DCTD: variants seen among roughly 807,000 people sequenced by gnomAD.
DCTD encodes dCMP deaminase.
A neutral mutation model predicts 21.0 loss-of-function variants in DCTD; 23 were observed. The observed-to-expected ratio is 1.09, with a 90% CI of 0.79 to 1.55. The LOEUF is 1.55. Ranked by LOEUF, DCTD falls within the 40% of genes most tolerant of loss-of-function variation. DCTD has a pLI of 0.00. For missense variants in DCTD, 224 were observed against 230.0 expected (o/e 0.97, Z 0.17); for synonymous variants, 71 against 81.1 (o/e 0.88, Z 0.67).
In DCTD at chr4:182,915,517, AC is replaced by A. The variant is rs1318253163; in HGVS notation, c.51del (p.Glu17AspfsTer26). ...GATAAGAAGGCCACAGCCATAAAAT[AC>A]TCTGGCCATTCCAAATAGTCGTCCC... ...KKRDDYLEWP[E>X]YFMAVAFLSA... is the part of the protein sequence containing the mutation. On this transcript the variant is annotated frameshift_variant, in exon 2 of 6. Transcript: ENST00000438320. LOFTEE classifies it high-confidence loss of function. The A allele has an allele frequency of 1.2e-6, 2 of 1,613,780 alleles. No homozygotes were observed. The highest frequency in any genetic ancestry group is 8.5e-7 in the Non-Finnish European group (1 of 1,179,750).
intron 5 of DCTD, among the ~76,000 whole-genome samples, chr4:182,891,774 G>A (rs913490151): frequency 1.3e-5 from 2 of 152,076 alleles, no homozygotes; most frequent in Non-Finnish European, 2.9e-5. Flanking sequence ...CATGATATCC[G>A]ATTACTAGTT....
chr4:182,892,565 G>T (rs58736081), intron 5 of DCTD, among the ~76,000 whole-genome samples: 22 of 152,000 alleles, frequency 1.4e-4, no homozygotes, highest in South Asian at 8.3e-4. Context: ...AGAAGCGGAG[G>T]TTGCAGTGAG....
intron 3 of DCTD, among the ~76,000 whole-genome samples, chr4:182,899,500 C>T (rs1033411778): frequency 1.3e-5 from 2 of 151,018 alleles, no homozygotes; most frequent in South Asian, 2.1e-4. Flanking sequence ...CAGTTTCAAG[C>T]GATGATTCTC....
At chr4:182,910,780 GT>G (rs1434705538) in intron 3 of DCTD, among the ~76,000 whole-genome samples, 1 of 152,114 alleles carries the variant, frequency 6.6e-6, no homozygotes, top group Non-Finnish European at 1.5e-5. Context: ...TAATAAAATA[GT>G]TTTATGAAGT....
At chr4:182,900,598 T>TAA (rs56147511) in intron 3 of DCTD, among the ~76,000 whole-genome samples, 2,503 of 145,132 alleles carry the variant, frequency 0.017, 69 homozygotes, top group African/African-American at 0.06. Flanking sequence ...GTCTAAATTG[T>TAA]AAAAAAAAAA....
intron 3 of DCTD, among the ~76,000 whole-genome samples, chr4:182,910,770 T>C (rs182136922): frequency 6.6e-5 from 10 of 152,314 alleles, no homozygotes; most frequent in Admixed American, 2.6e-4. Context: ...TACTACATTA[T>C]AATAAAATAG....
At chr4:182,894,647 C>T (rs1734413875) in intron 3 of DCTD, 42 bp from the exon 4 acceptor site, 2 of 1,277,848 alleles carry the variant, frequency 1.6e-6, no homozygotes, top group African/African-American at 2.9e-5. Context: ...TTGGTTGCAG[C>T]TCATGAAGAA....
chr4:182,897,140 G>A (rs1385483752), intron 3 of DCTD, among the ~76,000 whole-genome samples: 1 of 152,104 alleles, frequency 6.6e-6, no homozygotes, highest in Non-Finnish European at 1.5e-5. Context: ...ATTCATTAGT[G>A]AAAATTACCA....
At position 182,893,016 on chromosome 4, in the gene DCTD, A is replaced by C; in HGVS notation, c.458+15T>G. On this transcript the variant is annotated intron_variant, in intron 5 of 5. Transcript: ENST00000438320. ...CACCCTACCCCGTCCCCCCGCCCGC[A>C]TTCTCCCCACTTACCGGAATGTCAC... The C allele has an allele frequency of 1.3e-6, 2 of 1,542,740 alleles. No individual in the cohort carries two copies. Among genetic ancestry groups the C allele is most frequent in the Non-Finnish European group, 1.8e-6 (2 of 1,117,170 alleles).
At chr4:182,906,130 C>G (rs1280305111) in intron 3 of DCTD, among the ~76,000 whole-genome samples, 2 of 151,874 alleles carry the variant, frequency 1.3e-5, no homozygotes, top group African/African-American at 4.8e-5. Flanking sequence ...CAATCCAGTT[C>G]ATACACACAA....
At chr4:182,896,151 C>T (rs760714828) in intron 3 of DCTD, among the ~76,000 whole-genome samples, 1 of 152,148 alleles carries the variant, frequency 6.6e-6, no homozygotes, top group Admixed American at 6.5e-5. Flanking sequence ...AAACTTATGG[C>T]GCTCATACAT....
intron 5 of DCTD, among the ~76,000 whole-genome samples, chr4:182,891,780 T>C (rs762699662): frequency 1.6e-4 from 25 of 152,216 alleles, no homozygotes; most frequent in Non-Finnish European, 3.5e-4. Flanking sequence ...ATCCGATTAC[T>C]AGTTTTCCCA....
intron 3 of DCTD, among the ~76,000 whole-genome samples, chr4:182,897,921 T>C (rs1735037294): frequency 6.6e-6 from 1 of 152,188 alleles, no homozygotes; most frequent in Non-Finnish European, 1.5e-5. Context: ...AGGATCTCCA[T>C]AGCCCTGAAA....
At chr4:182,916,790 A>C in intron 1 of DCTD, 1 of 1,125,548 alleles carries the variant, frequency 8.9e-7, no homozygotes, top group Non-Finnish European at 1.1e-6. Context: ...GGGTCCTGTT[A>C]ATCCCCTGGG....
chr4:182,892,964 G>A lies in DCTD; in HGVS notation c.458+67C>T, dbSNP rs986979825. 4.7e-5 allele frequency: 45 copies of A among 950,126 alleles called. 2 individuals are homozygous for A. In the African/African-American group the frequency reaches 5.0e-4, roughly 10 times the overall value. 58.9% of individuals were successfully genotyped at this position (950,126 alleles called of 1,614,324 possible). On this transcript the variant is annotated intron_variant, in intron 5 of 5. Transcript: ENST00000438320. ...GTCAGGCATCACAAGGAGGAGACAAGGTCAAATACATCTCTTCATCAGCCT... is the reference window on the plus strand; with the variant it reads ...GTCAGGCATCACAAGGAGGAGACAAAGTCAAATACATCTCTTCATCAGCCT...
chr4:182,906,479 A>AT (rs1190489104), intron 3 of DCTD, among the ~76,000 whole-genome samples: 2 of 152,218 alleles, frequency 1.3e-5, no homozygotes, highest in Non-Finnish European at 2.9e-5. Flanking sequence ...TGTCTGCTGA[A>AT]TGAACAAATG....
intron 3 of DCTD, among the ~76,000 whole-genome samples, chr4:182,905,697 C>T (rs1024540961): frequency 1.3e-5 from 2 of 152,166 alleles, no homozygotes; most frequent in Non-Finnish European, 2.9e-5. Context: ...CACAGCTACT[C>T]CTACTGCCTC....
At chr4:182,901,923 ATGT>A (rs1331646744) in intron 3 of DCTD, among the ~76,000 whole-genome samples, 1 of 152,088 alleles carries the variant, frequency 6.6e-6, no homozygotes, top group Non-Finnish European at 1.5e-5. Flanking sequence ...AAACCTGGAC[ATGT>A]TGTCTCTGGG....
intron 3 of DCTD, among the ~76,000 whole-genome samples, chr4:182,899,403 T>A (rs561529153): frequency 6.7e-6 from 1 of 149,948 alleles, no homozygotes; most frequent in Non-Finnish European, 1.5e-5. Context: ...TTTTTTCTTT[T>A]TCTTTTTTTT....
Sources: gnomAD v4.1 joint callset for allele counts (sites outside exome capture counted in the v4.1 genomes callset) on GRCh38, gnomAD v4.1.1 for gene constraint, MANE v1.5 for transcripts, NCBI Gene and HGNC (gene_info 2026-07-23, HGNC 2026-07-21) for gene names.